Variants in LDB3 observed in about 807,000 individuals in gnomAD.
LDB3 encodes LIM domain binding 3, also known as LIM domain-binding protein 3.
Under a neutral mutation model 69.0 loss-of-function variants are expected in LDB3, and 49 were observed. That is an observed-to-expected ratio of 0.71 (90% CI 0.56 to 0.90). The LOEUF (loss-of-function observed/expected upper bound fraction) is 0.90, where lower values mean the gene tolerates loss of function less well. Among genes scored for constraint, LDB3 ranks in the 40% least tolerant of loss-of-function variants. The probability of loss-of-function intolerance (pLI) is 0.00; values close to 1 mark genes in which losing one functional copy is unlikely to be tolerated. For synonymous variants in LDB3, 387 were observed against 396.2 expected, an observed-to-expected ratio of 0.98 and a Z score of 0.28; for missense variants, 928 against 974.1, an observed-to-expected ratio of 0.95 and a Z score of 0.63.
chr10:86,693,543 T>G (rs1292426758), intron 7 of LDB3, among the ~76,000 whole-genome samples: 2 of 152,200 alleles, frequency 1.3e-5, no homozygotes, highest in Non-Finnish European at 2.9e-5. Context: ...GGATTTTATT[T>G]TTGAACCAAC....
At chr10:86,693,981 C>A (rs1228594896) in intron 7 of LDB3, among the ~76,000 whole-genome samples, 1 of 152,218 alleles carries the variant, frequency 6.6e-6, no homozygotes, top group Non-Finnish European at 1.5e-5. Context: ...CTTTTTTCTC[C>A]CTCCTCTGAG....
Position 86,687,104 on chromosome 10 carries a change from T to C in LDB3, c.690-4792T>C. 1 of 1,614,102 alleles carries C rather than the reference T, an allele frequency of 6.2e-7. No homozygotes were observed. Among genetic ancestry groups the C allele is most frequent in the Non-Finnish European group, 8.5e-7 (1 of 1,179,986 alleles). On this transcript the variant is annotated intron_variant, in intron 5 of 13. Coordinates refer to ENST00000361373, the MANE Select transcript of LDB3 (RefSeq NM_007078.3). ...CAGGAACGCTTCAACCCCAGTGCCCTGAAGGACTCGGCCCTGTCCACCCAC... is the reference window on the plus strand; with the variant it reads ...CAGGAACGCTTCAACCCCAGTGCCCCGAAGGACTCGGCCCTGTCCACCCAC...
chr10:86,714,331 G>A (rs143515785), intron 9 of LDB3, among the ~76,000 whole-genome samples: 2 of 152,202 alleles, frequency 1.3e-5, no homozygotes, highest in African/African-American at 4.8e-5. Context: ...CTGACATGTT[G>A]CACTGAGATT....
chr10:86,722,297 G>A (rs1206029818), intron 12 of LDB3, among the ~76,000 whole-genome samples: 2 of 152,234 alleles, frequency 1.3e-5, no homozygotes, highest in Non-Finnish European at 2.9e-5. Flanking sequence ...GTCTCGCTCT[G>A]TTGCCCAGGC....
intron 2 of LDB3, among the ~76,000 whole-genome samples, chr10:86,672,020 G>A (rs181543555): frequency 7.2e-5 from 11 of 152,310 alleles, no homozygotes; most frequent in Admixed American, 7.2e-4. Flanking sequence ...GCTGAGGCAG[G>A]AGAACAGCTT....
rs1213728574 is a variant in LDB3 at position 86,699,984 on chromosome 10, A to G, written c.897-6547A>G. Reference sequence around the variant, plus strand: ...TTTCTGTACCGTGTGTGCTGGCTCCATAGTTCTCTCTTCTGTACATATAAG... The same window carrying G: ...TTTCTGTACCGTGTGTGCTGGCTCCGTAGTTCTCTCTTCTGTACATATAAG... On this transcript the variant is annotated intron_variant, in intron 7 of 13. Transcript: ENST00000361373. The surrounding 1 kb of genome is among the most constrained non-coding windows in gnomAD (Gnocchi z 4.9). The G allele has an allele frequency of 1.0e-6, 1 of 992,812 alleles. No homozygotes were observed. Among genetic ancestry groups the G allele is most frequent in the Non-Finnish European group, 1.2e-6 (1 of 833,968 alleles). 61.5% of individuals were successfully genotyped at this position (992,812 alleles called of 1,614,324 possible).
At chr10:86,700,762 C>T (rs1846230130) in intron 7 of LDB3, among the ~76,000 whole-genome samples, 1 of 152,240 alleles carries the variant, frequency 6.6e-6, no homozygotes, top group Non-Finnish European at 1.5e-5. Context: ...AAGCCACTAG[C>T]TAGCACCCCA....
At chr10:86,689,675 C>T (rs1845669483) in intron 5 of LDB3, among the ~76,000 whole-genome samples, 1 of 152,198 alleles carries the variant, frequency 6.6e-6, no homozygotes, top group Non-Finnish European at 1.5e-5. Context: ...ACAAGGTAAC[C>T]TCTTGGAGGC....
intron 5 of LDB3, among the ~76,000 whole-genome samples, chr10:86,683,915 C>A (rs1213804819): frequency 2.6e-5 from 4 of 152,214 alleles, no homozygotes; most frequent in Non-Finnish European, 4.4e-5. Flanking sequence ...ACTACCATCT[C>A]AAGAATTAGA....
chr10:86,693,332 A>G (rs1423504768), intron 7 of LDB3, among the ~76,000 whole-genome samples: 3 of 152,168 alleles, frequency 2.0e-5, no homozygotes, highest in Non-Finnish European at 4.4e-5. Context: ...TTCCGGTAGC[A>G]AATATGTCAT....
chr10:86,719,392 CA>C (rs71487276), intron 12 of LDB3, among the ~76,000 whole-genome samples: 32,766 of 133,868 alleles, frequency 0.24, 4,014 homozygotes, highest in East Asian at 0.66. Context: ...TCCTGTATCT[CA>C]AAAAAAAAAA....
rs144704528 is a variant in LDB3, at chr10:86,724,139, C to T, written c.1979-1998C>T. ...CAGCCTGGCCAAAATGGTGAAACCCCGTCTCTACTGAAAATACAAAAATTA... is the reference window on the plus strand; with the variant it reads ...CAGCCTGGCCAAAATGGTGAAACCCTGTCTCTACTGAAAATACAAAAATTA... On this transcript the variant is annotated intron_variant, in intron 12 of 13. Coordinates refer to ENST00000361373, the MANE Select transcript of LDB3 (RefSeq NM_007078.3). 4.4e-3 allele frequency among the ~76,000 whole-genome samples: 666 copies of T among 151,308 alleles called. 6 individuals carry two copies. Among genetic ancestry groups the T allele is most frequent in the African/African-American group, 0.015 (621 of 41,150 alleles).
intron 9 of LDB3, among the ~76,000 whole-genome samples, chr10:86,710,915 C>T (rs542363588): frequency 2.2e-4 from 33 of 152,362 alleles, no homozygotes; most frequent in African/African-American, 7.0e-4. Flanking sequence ...TCATGGACAC[C>T]TTGTGTTCTG....
At chr10:86,685,010 C>G (rs1036284983) in intron 5 of LDB3, among the ~76,000 whole-genome samples, 4 of 152,220 alleles carry the variant, frequency 2.6e-5, no homozygotes, top group Non-Finnish European at 5.9e-5. Flanking sequence ...GCTCGCTCCT[C>G]CATCCTGCCT....
Position 86,679,418 on chromosome 10 carries a change from G to C in LDB3, c.145G>C (p.Val49Leu), listed in dbSNP as rs200645175. The C allele has an allele frequency of 4.8e-5, 77 of 1,614,174 alleles. No individual in the cohort carries two copies. The highest frequency in any genetic ancestry group is 6.4e-5 in the Non-Finnish European group (75 of 1,180,042). The change falls in exon 3 of 14, where the codon GTG becomes CTG. Residue 49 changes from valine to leucine, a missense_variant. By Grantham distance (32) the Val-to-Leu change is conservative. Coordinates refer to ENST00000361373, the MANE Select transcript of LDB3 (RefSeq NM_007078.3). ...GTCCCAGCTCAGCCAGGGTGACCTC[G>C]TGGTGGCCATTGACGGCGTCAACAC... ...AQSQLSQGDL[V>L]VAIDGVNTDT... is the part of the protein sequence containing the mutation.
intron 2 of LDB3, among the ~76,000 whole-genome samples, chr10:86,674,584 G>A (rs553206425): frequency 6.6e-6 from 1 of 152,342 alleles, no homozygotes; most frequent in African/African-American, 2.4e-5. Context: ...CTGCACCCAG[G>A]GTTGGGTTTC....
At position 86,726,146 on chromosome 10, in the gene LDB3, A is replaced by C; in HGVS notation, c.1988A>C (p.Asn663Thr). Residue 663 changes from asparagine to threonine, a missense_variant, in exon 13 of 14, where the codon AAT (asparagine) becomes ACT (threonine). Physicochemically the swap from Asn to Thr is moderately conservative, Grantham distance 65. Transcript: ENST00000361373. The part of the protein sequence containing the change: ...GEPYCEKDYI[N>T]LFSTKCHGCD... ...CTGCTTTTCATTTCAGACTACATCA[A>C]TCTGTTCAGCACCAAGTGCCATGGC... is the stretch of plus-strand genomic sequence containing the variant. 1.9e-6 allele frequency: 3 copies of C among 1,613,460 alleles called. No homozygotes were observed. Among genetic ancestry groups the C allele is most frequent in the Non-Finnish European group, 2.5e-6 (3 of 1,179,712 alleles).
At chr10:86,685,626 T>G in intron 5 of LDB3, 1 of 1,604,604 alleles carries the variant, frequency 6.2e-7, no homozygotes, top group South Asian at 1.1e-5. Flanking sequence ...AAACTGCCCC[T>G]GGTGGAGCCT....
At chr10:86,667,340 G>A (rs888673193), upstream of LDB3, among the ~76,000 whole-genome samples, 1 of 152,084 alleles carries the variant, frequency 6.6e-6, no homozygotes, top group Non-Finnish European at 1.5e-5. Flanking sequence ...CAACCCAGTT[G>A]CCTCCCCTGA....
Sources: gnomAD v4.1 joint callset for allele counts (sites outside exome capture counted in the v4.1 genomes callset) on GRCh38, gnomAD v4.1.1 for gene constraint, Gnocchi (gnomAD v3.1) non-coding constraint, MANE v1.5 for transcripts, NCBI Gene and HGNC (gene_info 2026-07-23, HGNC 2026-07-21) for gene names.